GALNT13: variants seen among roughly 807,000 people sequenced by gnomAD.
The protein encoded by GALNT13 is polypeptide N-acetylgalactosaminyltransferase 13.
GALNT13 carries 28 observed loss-of-function variants against 64.2 expected under a neutral mutation model. The observed-to-expected ratio is 0.44, with a 90% CI of 0.32 to 0.60. The LOEUF is 0.60. Ranked by LOEUF, GALNT13 falls within the 20% of genes least tolerant of loss-of-function variation. The pLI is 0.05. For missense variants in GALNT13, 577 were observed against 669.8 expected (o/e 0.86, Z 1.53); for synonymous variants, 214 against 224.6 (o/e 0.95, Z 0.42).
chr2:153,844,859 A>T, the GALNT13 span, among the ~76,000 whole-genome samples: 1 of 152,300 alleles, frequency 6.6e-6, no homozygotes, highest in African/African-American at 2.4e-5. Context: ...AAACTTTCAA[A>T]TATCCCTAGG....
chr2:154,382,258 G>A (rs906091371), intron 9 of GALNT13, among the ~76,000 whole-genome samples: 3 of 152,010 alleles, frequency 2.0e-5, no homozygotes, highest in Non-Finnish European at 2.9e-5. Flanking sequence ...AAGAAGAGAG[G>A]CATGTTAGAA....
At position 154,376,277 on chromosome 2, in the gene GALNT13, A is replaced by G. The variant is rs990385110; in HGVS notation, c.1157-19714A>G. Among the ~76,000 whole-genome samples, 2 of 152,094 alleles carry G rather than the reference A, an allele frequency of 1.3e-5. 1 individual carries two copies. Among genetic ancestry groups the G allele is most frequent in the Non-Finnish European group, 2.9e-5 (2 of 67,996 alleles). On this transcript the variant is annotated intron_variant, in intron 9 of 12. Coordinates refer to ENST00000392825, the MANE Select transcript of GALNT13 (RefSeq NM_052917.4). The stretch of plus-strand genomic sequence containing the variant: ...ATCTCATCTTCATTAGAGTCTGCCT[A>G]TTTTGAGTTCAGCTACTTCTATTTA...
At chr2:153,848,248 C>T in the GALNT13 span, among the ~76,000 whole-genome samples, 1 of 152,084 alleles carries the variant, frequency 6.6e-6, no homozygotes, top group African/African-American at 2.4e-5. Flanking sequence ...GTTTTAGTGC[C>T]CTGTGGGTAA....
chr2:153,999,967 G>C (rs1695790443), intron 3 of GALNT13, among the ~76,000 whole-genome samples: 1 of 151,966 alleles, frequency 6.6e-6, no homozygotes, highest in African/African-American at 2.4e-5. Context: ...TTTGATAGGA[G>C]AGTCTTTCAG....
At chr2:154,044,912 G>C (rs1391713491) in intron 3 of GALNT13, among the ~76,000 whole-genome samples, 2 of 152,100 alleles carry the variant, frequency 1.3e-5, no homozygotes, top group Non-Finnish European at 2.9e-5. Flanking sequence ...GTCCAGCCTT[G>C]GTGTTACCCA....
chr2:154,440,360 T>A (rs1701225461), intron 12 of GALNT13, among the ~76,000 whole-genome samples: 1 of 152,124 alleles, frequency 6.6e-6, no homozygotes, highest in African/African-American at 2.4e-5. Flanking sequence ...ATTTCTCAAA[T>A]AACTACTGTT....
chr2:153,145,694 C>G, the GALNT13 span, among the ~76,000 whole-genome samples: 2 of 151,802 alleles, frequency 1.3e-5, no homozygotes. Context: ...TTACTCTAAA[C>G]TTGGAATGTG....
At chr2:154,108,431 C>T (rs1702744385) in intron 3 of GALNT13, among the ~76,000 whole-genome samples, 1 of 151,928 alleles carries the variant, frequency 6.6e-6, no homozygotes, top group South Asian at 2.1e-4. Context: ...ATTCAACTTT[C>T]TTGCCCATTT....
intron 11 of GALNT13, chr2:154,436,788 AT>A (rs1700995110): frequency 6.6e-6 from 1 of 152,236 alleles, no homozygotes; most frequent in Non-Finnish European, 1.5e-5. Flanking sequence ...TGAATTGAAT[AT>A]ATGAAGTCTG....
At chr2:153,128,954 C>A in the GALNT13 span, among the ~76,000 whole-genome samples, 2 of 152,114 alleles carry the variant, frequency 1.3e-5, no homozygotes, top group Non-Finnish European at 2.9e-5. Flanking sequence ...TAATTGCCTG[C>A]CACCAGGTCC....
At chr2:154,323,583 C>T (rs1694733757) in intron 9 of GALNT13, among the ~76,000 whole-genome samples, 1 of 152,116 alleles carries the variant, frequency 6.6e-6, no homozygotes, top group African/African-American at 2.4e-5. Flanking sequence ...TCTTACTACT[C>T]TTCTTTTTAT....
At chr2:154,053,639 T>G (rs1370907762) in intron 3 of GALNT13, among the ~76,000 whole-genome samples, 1 of 152,194 alleles carries the variant, frequency 6.6e-6, no homozygotes, top group Non-Finnish European at 1.5e-5. Context: ...ATATAGAGTA[T>G]TTTTAAAAAC....
chr2:154,430,849 A>G (rs1268960453), intron 11 of GALNT13, among the ~76,000 whole-genome samples: 1 of 152,178 alleles, frequency 6.6e-6, no homozygotes, highest in Non-Finnish European at 1.5e-5. Context: ...ACCCTCCATC[A>G]GCAGAAATAT....
the GALNT13 span, among the ~76,000 whole-genome samples, chr2:153,826,234 C>T: frequency 6.6e-6 from 1 of 152,134 alleles, no homozygotes; most frequent in South Asian, 2.1e-4. Context: ...TGAACATAGT[C>T]TCTCAAGCCT....
At chr2:153,606,438 A>C in the GALNT13 span, among the ~76,000 whole-genome samples, 1 of 152,114 alleles carries the variant, frequency 6.6e-6, no homozygotes, top group African/African-American at 2.4e-5. Flanking sequence ...GGATGGCTTT[A>C]TATGTGACCC....
At chr2:154,182,041 C>T (rs952231022) in intron 4 of GALNT13, among the ~76,000 whole-genome samples, 17 of 151,880 alleles carry the variant, frequency 1.1e-4, no homozygotes, top group African/African-American at 3.9e-4. Flanking sequence ...GAATTCTTAC[C>T]GAATATCAAA....
the GALNT13 span, among the ~76,000 whole-genome samples, chr2:153,839,900 A>C: frequency 6.6e-6 from 1 of 152,082 alleles, no homozygotes; most frequent in African/African-American, 2.4e-5. Flanking sequence ...GTGTACTGCC[A>C]AAATAATGAA....
the GALNT13 span, among the ~76,000 whole-genome samples, chr2:153,837,471 T>C: frequency 5.1e-4 from 77 of 152,102 alleles, no homozygotes; most frequent in Admixed American, 5.0e-3. Flanking sequence ...TTCAGCATTT[T>C]TAGATTCCAT....
chr2:153,902,603 G>A (rs758293837), intron 2 of GALNT13, among the ~76,000 whole-genome samples: 16 of 152,086 alleles, frequency 1.1e-4, no homozygotes, highest in Non-Finnish European at 1.9e-4. Context: ...CATTTGTAGA[G>A]GGATAAGAAT....
Sources: gnomAD v4.1 joint callset for allele counts (sites outside exome capture counted in the v4.1 genomes callset) on GRCh38, gnomAD v4.1.1 for gene constraint, MANE v1.5 for transcripts, NCBI Gene and HGNC (gene_info 2026-07-23, HGNC 2026-07-21) for gene names.